The following ACTR3C variants were observed in gnomAD, a reference collection of about 807,000 sequenced individuals.
ACTR3C encodes actin-related protein 3C.
Under a neutral mutation model 26.3 loss-of-function variants are expected in ACTR3C, and 18 were observed. The observed-to-expected ratio is 0.68, with a 90% CI of 0.47 to 1.01. The LOEUF (loss-of-function observed/expected upper bound fraction) is 1.01. Ranked by LOEUF, ACTR3C falls within the 50% of genes least tolerant of loss-of-function variation. The pLI is 0.00. For missense variants in ACTR3C, 184 were observed against 250.7 expected, an observed-to-expected ratio of 0.73 and a Z score of 1.80; for synonymous variants, 55 against 94.5, an observed-to-expected ratio of 0.58 and a Z score of 2.42.
chr7:149,949,331 G>A, the ACTR3C span, among the ~76,000 whole-genome samples: 2 of 145,624 alleles, frequency 1.4e-5, no homozygotes, highest in Non-Finnish European at 2.9e-5. Flanking sequence ...AGCTGAGATT[G>A]CACCATTGCA....
the ACTR3C span, among the ~76,000 whole-genome samples, chr7:149,970,672 T>A: frequency 6.6e-6 from 1 of 152,176 alleles, no homozygotes; most frequent in Non-Finnish European, 1.5e-5. Flanking sequence ...ATCACACATT[T>A]AACCAACCAA....
chr7:150,067,819 C>T, the ACTR3C span, among the ~76,000 whole-genome samples: 2 of 20,540 alleles, frequency 9.7e-5, no homozygotes, highest in African/African-American at 1.8e-4. Context: ...GGGATGGGGT[C>T]GGGGGGAGGG....
the ACTR3C span, among the ~76,000 whole-genome samples, chr7:150,042,396 G>A: frequency 2.8e-5 from 4 of 144,844 alleles, no homozygotes; most frequent in South Asian, 2.2e-4. Flanking sequence ...GGGAAGAGGG[G>A]CTCGCTCTCA....
chr7:150,187,951 G>C, the ACTR3C span, among the ~76,000 whole-genome samples: 1 of 152,016 alleles, frequency 6.6e-6, no homozygotes, highest in Non-Finnish European at 1.5e-5. Context: ...TTAGCATTAA[G>C]GGTGGATCCT....
At chr7:150,230,671 C>T in the ACTR3C span, among the ~76,000 whole-genome samples, 2 of 152,212 alleles carry the variant, frequency 1.3e-5, no homozygotes, top group Non-Finnish European at 2.9e-5. Context: ...TCCCACCGCA[C>T]CACCCTCCTG....
At chr7:150,204,525 G>T in the ACTR3C span, among the ~76,000 whole-genome samples, 2 of 151,276 alleles carry the variant, frequency 1.3e-5, no homozygotes, top group Non-Finnish European at 2.9e-5. Flanking sequence ...CTCTCCAAAA[G>T]CTCCCCATGA....
chr7:150,061,458 T>A, the ACTR3C span, among the ~76,000 whole-genome samples: 130 of 149,202 alleles, frequency 8.7e-4, no homozygotes, highest in Non-Finnish European at 3.4e-4. Flanking sequence ...CATCAAGAGA[T>A]CCACCGGGCA....
chr7:149,967,029 T>TTTTTTC, the ACTR3C span, among the ~76,000 whole-genome samples: 78 of 9,772 alleles, frequency 8.0e-3, 5 homozygotes, highest in African/African-American at 0.021. Context: ...GCACAGCTAA[T>TTTTTTC]TTTTTTTTTT....
chr7:149,989,990 C>T, the ACTR3C span, among the ~76,000 whole-genome samples: 1 of 152,082 alleles, frequency 6.6e-6, no homozygotes, highest in African/African-American at 2.4e-5. Context: ...CTCTGCACTC[C>T]CCTGCTTGAA....
intron 1 of ACTR3C, among the ~76,000 whole-genome samples, chr7:150,319,327 C>T (rs1250301168): frequency 6.6e-6 from 1 of 152,076 alleles, no homozygotes; most frequent in African/African-American, 2.4e-5. Context: ...CCTGCCTTGG[C>T]CTCCCGAATA....
At chr7:149,956,806 A>T in the ACTR3C span, among the ~76,000 whole-genome samples, 1 of 152,160 alleles carries the variant, frequency 6.6e-6, no homozygotes, top group Non-Finnish European at 1.5e-5. Flanking sequence ...GAGTCCCAAG[A>T]TATCACGACC....
chr7:150,206,507 G>A, the ACTR3C span, among the ~76,000 whole-genome samples: 5 of 151,970 alleles, frequency 3.3e-5, no homozygotes, highest in African/African-American at 7.3e-5. Flanking sequence ...TCCACCTCCC[G>A]GGGTCAAGCG....
rs1237251479 is a variant in ACTR3C at position 150,264,898 on chromosome 7, A to G, written c.565-15844T>C. On this transcript the variant is annotated intron_variant, in intron 6 of 7. Transcript: ENST00000683684. ...TGCTGTGGTAGAAAATAGATCAAAT[A>G]CAAAAGAGGACTTAACAAATACAAT... 3 of 970,056 alleles carry G rather than the reference A, an allele frequency of 3.1e-6. No individual in the cohort carries two copies. In the African/African-American group the frequency reaches 5.3e-5, roughly 17 times the overall value. The allele number at this position is 970,056 out of a possible 1,614,324, so 60.1% of individuals were successfully genotyped here. A position where few individuals can be genotyped will look rare whatever the true frequency, so the allele number is the denominator to read the frequency against.
the ACTR3C span, among the ~76,000 whole-genome samples, chr7:149,998,128 T>G: frequency 8.6e-5 from 13 of 150,892 alleles, no homozygotes; most frequent in Non-Finnish European, 1.6e-4. Context: ...TCTTCTGCCC[T>G]CAGTAACATA....
the ACTR3C span, among the ~76,000 whole-genome samples, chr7:150,204,879 A>G: frequency 1.8e-4 from 27 of 147,598 alleles, no homozygotes; most frequent in South Asian, 6.5e-4. Flanking sequence ...GAACATGCCA[A>G]GGAGGACTGG....
chr7:150,250,328 C>T (rs1315269159), intron 6 of ACTR3C, among the ~76,000 whole-genome samples: 1 of 150,660 alleles, frequency 6.6e-6, no homozygotes, highest in Non-Finnish European at 1.5e-5. Context: ...CTCAGCCTCC[C>T]GAGTAGCTGG....
the ACTR3C span, among the ~76,000 whole-genome samples, chr7:150,157,818 C>T: frequency 1.3e-5 from 2 of 152,116 alleles, no homozygotes; most frequent in Non-Finnish European, 2.9e-5. Context: ...AGTCATCAAT[C>T]CCGCTTTGAG....
the ACTR3C span, among the ~76,000 whole-genome samples, chr7:150,098,448 A>G: frequency 6.6e-6 from 1 of 151,850 alleles, no homozygotes; most frequent in African/African-American, 2.4e-5. Flanking sequence ...TCCGTAGGAT[A>G]CAAAAATACG....
At chr7:150,085,401 AG>A in the ACTR3C span, among the ~76,000 whole-genome samples, 5 of 152,256 alleles carry the variant, frequency 3.3e-5, no homozygotes, top group African/African-American at 1.2e-4. Context: ...AGGAGTGGAT[AG>A]TGCAATCGAA....
Sources: gnomAD v4.1 joint callset for allele counts (sites outside exome capture counted in the v4.1 genomes callset) on GRCh38, gnomAD v4.1.1 for gene constraint, MANE v1.5 for transcripts, NCBI Gene and HGNC (gene_info 2026-07-23, HGNC 2026-07-21) for gene names.